ZFAND3: variants seen among roughly 807,000 people sequenced by gnomAD.
ZFAND3 encodes the protein AN1-type zinc finger protein 3.
In ZFAND3, 10 loss-of-function variants were observed where a neutral mutation model predicts 29.6. The observed-to-expected ratio is 0.34, with a 90% CI of 0.21 to 0.57. The LOEUF (loss-of-function observed/expected upper bound fraction) is 0.57, where lower values mean the gene tolerates loss of function less well. ZFAND3 is among the 20% of genes least tolerant of loss of function. ZFAND3 has a pLI of 0.86. For synonymous variants in ZFAND3, 128 were observed against 112.6 expected (o/e 1.14, Z -0.87); for missense variants, 230 against 304.5 (o/e 0.76, Z 1.82).
chr6:38,106,880 C>T (rs974394122), intron 4 of ZFAND3, among the ~76,000 whole-genome samples: 9 of 152,094 alleles, frequency 5.9e-5, no homozygotes, highest in African/African-American at 2.2e-4. Context: ...AGACATTAAT[C>T]GAGAAGCCTA....
intron 1 of ZFAND3, among the ~76,000 whole-genome samples, chr6:37,859,941 G>A (rs186845298): frequency 2.0e-5 from 3 of 146,756 alleles, no homozygotes; most frequent in South Asian, 2.2e-4. Context: ...GCGTGATCTC[G>A]GCTCACTGCA....
intron 2 of ZFAND3, among the ~76,000 whole-genome samples, chr6:37,970,749 A>G (rs1762372780): frequency 8.2e-4 from 1 of 1,216 alleles, no homozygotes; most frequent in Non-Finnish European, 8.1e-3. Context: ...TAAAAATATA[A>G]AAAAAATTAG....
At chr6:38,057,430 C>T (rs1030962587) in intron 2 of ZFAND3, among the ~76,000 whole-genome samples, 1 of 152,188 alleles carries the variant, frequency 6.6e-6, no homozygotes, top group Admixed American at 6.5e-5. Context: ...GAAGAGATAA[C>T]TCTTACTTAG....
At chr6:37,976,113 T>C (rs939007175) in intron 2 of ZFAND3, among the ~76,000 whole-genome samples, 1 of 152,214 alleles carries the variant, frequency 6.6e-6, no homozygotes, top group African/African-American at 2.4e-5. Flanking sequence ...CTCTAAGAAG[T>C]TAATATTGTT....
Position 38,152,982 on chromosome 6 carries a change from A to C in ZFAND3, c.*593A>C, listed in dbSNP as rs190877705. 5,495 of 985,798 alleles carry C rather than the reference A, an allele frequency of 5.6e-3. 21 individuals are homozygous for C. Among genetic ancestry groups the C allele is most frequent in the South Asian group, 0.012 (265 of 21,280 alleles). 61.1% of individuals were successfully genotyped at this position (985,798 alleles called of 1,614,324 possible). A position where few individuals can be genotyped will look rare whatever the true frequency, so the allele number is the denominator to read the frequency against. Reference sequence around the variant, plus strand: ...GGGTGGGGGACAGATTCTTACGGAAATTTTTTTACCTGACTTGCTATGAAA... The same window carrying C: ...GGGTGGGGGACAGATTCTTACGGAACTTTTTTTACCTGACTTGCTATGAAA... On this transcript the variant is annotated 3_prime_UTR_variant, in exon 6 of 6. Coordinates refer to ENST00000287218, the MANE Select transcript of ZFAND3 (RefSeq NM_021943.3).
At chr6:37,914,489 C>G (rs1761196281) in intron 1 of ZFAND3, among the ~76,000 whole-genome samples, 1 of 151,804 alleles carries the variant, frequency 6.6e-6, no homozygotes, top group Admixed American at 6.6e-5. Flanking sequence ...CAGGTGTACA[C>G]CACCACACCT....
At chr6:37,976,635 A>C (rs1485750296) in intron 2 of ZFAND3, among the ~76,000 whole-genome samples, 1 of 152,060 alleles carries the variant, frequency 6.6e-6, no homozygotes, top group Non-Finnish European at 1.5e-5. Flanking sequence ...GTAATTTATA[A>C]ACAAAAGAGG....
chr6:37,928,496 A>G (rs1047700895), intron 1 of ZFAND3, among the ~76,000 whole-genome samples: 4 of 152,078 alleles, frequency 2.6e-5, no homozygotes, highest in African/African-American at 7.2e-5. Context: ...GGTGAGATGA[A>G]TGTAACAGAA....
intron 5 of ZFAND3, among the ~76,000 whole-genome samples, chr6:38,145,795 G>A (rs1437573832): frequency 6.6e-6 from 1 of 152,212 alleles, no homozygotes; most frequent in South Asian, 2.1e-4. Context: ...TCTGCATCAG[G>A]AGGGCTGAGT....
intron 2 of ZFAND3, among the ~76,000 whole-genome samples, chr6:38,020,661 C>A (rs1024852053): frequency 2.0e-5 from 3 of 152,186 alleles, no homozygotes; most frequent in African/African-American, 7.2e-5. Flanking sequence ...TTGCCTCTCT[C>A]CCCATTACAC....
Position 37,982,220 on chromosome 6 carries a change from T to A in ZFAND3, c.112+52221T>A, listed in dbSNP as rs558297823. 2.0e-5 allele frequency among the ~76,000 whole-genome samples: 3 copies of A among 151,268 alleles called. No individual in the cohort carries two copies. The East Asian group carries it at 5.8e-4, about 29-fold the overall frequency. On this transcript the variant is annotated intron_variant, in intron 2 of 5. Transcript: ENST00000287218. ...GGAGGTATGTAGCTTTTTTTTTTTT[T>A]AATCTTTGTATGTATCTTATTTAGG...
chr6:37,888,023 T>C (rs1360187643), intron 1 of ZFAND3, among the ~76,000 whole-genome samples: 2 of 152,208 alleles, frequency 1.3e-5, no homozygotes, highest in Non-Finnish European at 2.9e-5. Flanking sequence ...CTGAGCATTT[T>C]CCTAATTTAC....
In ZFAND3 at chr6:37,977,828, T is replaced by TTTCCTTCC. The variant is rs375787038; in HGVS notation, c.112+47864_112+47871dup. 2.8e-3 allele frequency among the ~76,000 whole-genome samples: 213 copies of TTTCCTTCC among 76,434 alleles called. 7 individuals carry two copies. The highest frequency in any genetic ancestry group is 7.4e-3 in the South Asian group (16 of 2,164). The allele number at this position is 76,434 out of a possible 152,430, so 50.1% of individuals were successfully genotyped here. On this transcript the variant is annotated intron_variant, in intron 2 of 5. Coordinates refer to ENST00000287218, the MANE Select transcript of ZFAND3 (RefSeq NM_021943.3). ...TGAATGTTGAATTTTGTAAAATGCT[T>TTTCCTTCC]TTCCTTCCTTCCTTCCTTCCTTCCT...
At chr6:37,961,249 C>T (rs192314658) in intron 2 of ZFAND3, among the ~76,000 whole-genome samples, 24 of 152,202 alleles carry the variant, frequency 1.6e-4, no homozygotes, top group African/African-American at 5.5e-4. Flanking sequence ...TCAGTGGACA[C>T]GAGGTGAGGC....
chr6:38,006,525 A>G (rs1763051976), intron 2 of ZFAND3, among the ~76,000 whole-genome samples: 1 of 152,136 alleles, frequency 6.6e-6, no homozygotes, highest in Non-Finnish European at 1.5e-5. Flanking sequence ...GCTTGCATGC[A>G]GCTAAGCATG....
rs567640468 is a variant in ZFAND3, at chr6:38,042,008, G to T, written c.113-19585G>T. Among the ~76,000 whole-genome samples, 7 of 147,006 alleles carry T rather than the reference G, an allele frequency of 4.8e-5. No individual in the cohort carries two copies. The South Asian group carries it at 1.1e-3, about 23-fold the overall frequency. ...TGCACACCACACACGGCTTTTTTTT[G>T]GGGGGGAGGGGGAGAGACAGGGTTT... On this transcript the variant is annotated intron_variant, in intron 2 of 5. Coordinates refer to ENST00000287218, the MANE Select transcript of ZFAND3 (RefSeq NM_021943.3).
At chr6:37,881,673 A>G (rs1764898608) in intron 1 of ZFAND3, among the ~76,000 whole-genome samples, 1 of 152,316 alleles carries the variant, frequency 6.6e-6, no homozygotes, top group Non-Finnish European at 1.5e-5. Context: ...GGTTTTGAAC[A>G]TAACAATAGA....
intron 1 of ZFAND3, among the ~76,000 whole-genome samples, chr6:37,848,417 G>GTAAT: frequency 6.6e-6 from 1 of 152,240 alleles, no homozygotes. Context: ...GTCAACACCA[G>GTAAT]GGAATTCTGT....
At position 38,082,144 on chromosome 6, in the gene ZFAND3, T is replaced by C. The variant is rs9470763; in HGVS notation, c.296-248T>C. 7.7e-3 allele frequency among the ~76,000 whole-genome samples: 1,149 copies of C among 149,730 alleles called. 14 individuals are homozygous for C. The highest frequency in any genetic ancestry group is 0.027 in the African/African-American group (1,117 of 40,980). ...TTAACATTATGTGAGACTCGGCTGT[T>C]TTTTTTTTTTTTGTGTGTGAAAAGC... On this transcript the variant is annotated intron_variant, in intron 3 of 5. Transcript: ENST00000287218.
Sources: allele counts gnomAD v4.1 joint callset (sites outside exome capture counted in the v4.1 genomes callset), GRCh38; gene constraint gnomAD v4.1.1; transcripts MANE v1.5; gene names NCBI Gene and HGNC (gene_info 2026-07-23, HGNC 2026-07-21).